Variants in ZNF493 observed in about 807,000 individuals in gnomAD.
ZNF493 encodes zinc finger protein 493.
A neutral mutation model predicts 12.2 loss-of-function variants in ZNF493; 11 were observed. The ratio of observed to expected loss-of-function variants is 0.90; its 90% CI spans 0.57 to 1.50. ZNF493 has a LOEUF of 1.50. Ranked by LOEUF, ZNF493 falls within the 40% of genes most tolerant of loss-of-function variation. ZNF493 has a pLI of 0.00. For synonymous variants in ZNF493, 286 were observed against 302.6 expected (o/e 0.95, Z 0.57); for missense variants, 950 against 906.6 (o/e 1.05, Z -0.61).
At chr19:21,421,411 G>T (rs909556372) in intron 3 of ZNF493, among the ~76,000 whole-genome samples, 5 of 151,858 alleles carry the variant, frequency 3.3e-5, no homozygotes, top group African/African-American at 1.2e-4. Context: ...TGTTGCCCAG[G>T]CTGGGGTGCA....
At chr19:21,401,472 T>C (rs2029941197) in intron 1 of ZNF493, among the ~76,000 whole-genome samples, 1 of 152,026 alleles carries the variant, frequency 6.6e-6, no homozygotes, top group African/African-American at 2.4e-5. Context: ...TTTTACATAA[T>C]GGGTTGGAAA....
chr19:21,423,381 A>T lies in ZNF493; in HGVS notation c.722A>T (p.Glu241Val), dbSNP rs774453347. 6.2e-7 allele frequency: 1 copy of T among 1,613,788 alleles called. No individual in the cohort carries two copies. Among genetic ancestry groups the T allele is most frequent in the Non-Finnish European group, 8.5e-7 (1 of 1,179,876 alleles). ...ACTGGAGAGAAATCCTACAAATATGAATGTGGCAAATCTTTTAACCAGGAC... is the reference window on the plus strand; with the variant it reads ...ACTGGAGAGAAATCCTACAAATATGTATGTGGCAAATCTTTTAACCAGGAC... The part of the protein sequence containing the change: ...VHTGEKSYKY[E>V]CGKSFNQDSN... The change falls in exon 4 of 4, where the codon GAA becomes GTA. Residue 241 changes from glutamate (E) to valine (V), a missense_variant. Glu to Val is a moderately radical substitution (Grantham distance 121). Coordinates refer to ENST00000392288, the MANE Select transcript of ZNF493 (RefSeq NM_001076678.3).
intron 3 of ZNF493, among the ~76,000 whole-genome samples, chr19:21,411,759 C>G (rs1671194576): frequency 8.1e-6 from 1 of 123,858 alleles, no homozygotes; most frequent in African/African-American, 3.1e-5. Flanking sequence ...TAAAACTGTG[C>G]TATTGTAATT....
chr19:21,415,599 G>A (rs998763855), intron 3 of ZNF493, among the ~76,000 whole-genome samples: 11 of 152,070 alleles, frequency 7.2e-5, no homozygotes, highest in East Asian at 1.9e-4. Context: ...CTCAAGTGGC[G>A]GCAGCACAAA....
chr19:21,423,831 C>T lies in ZNF493; in HGVS notation c.1172C>T (p.Thr391Ile), dbSNP rs759416894. 4 of 1,612,136 alleles carry T rather than the reference C, an allele frequency of 2.5e-6. No homozygotes were observed. Among genetic ancestry groups the T allele is most frequent in the Non-Finnish European group, 3.4e-6 (4 of 1,179,334 alleles). Residue 391 changes from threonine (T) to isoleucine (I), a missense_variant, in exon 4 of 4, where the codon ACC becomes ATC. Transcript: ENST00000392288. ...GGCAAAGCCTTTAGTATTTTCTCAACCCTTACTAAACATAAGATAATTCAC... is the reference window on the plus strand; with the variant it reads ...GGCAAAGCCTTTAGTATTTTCTCAATCCTTACTAAACATAAGATAATTCAC... ...ECGKAFSIFS[T>I]LTKHKIIHTE...
At chr19:21,413,759 C>G (rs1217171482) in intron 3 of ZNF493, 4 of 297,172 alleles carry the variant, frequency 1.3e-5, no homozygotes, top group Non-Finnish European at 2.5e-5. Flanking sequence ...TATTGGATCT[C>G]TCCACCAAAT....
chr19:21,408,190 AT>A (rs2030200663), intron 3 of ZNF493: 1 of 914,398 alleles, frequency 1.1e-6, no homozygotes, highest in East Asian at 1.3e-4. Flanking sequence ...CAGTGGTGTG[AT>A]CTCAGCTCAT....
Position 21,424,599 on chromosome 19 carries a change from A to G in ZNF493, c.1940A>G (p.His647Arg). 1 of 1,613,690 alleles carries G rather than the reference A, an allele frequency of 6.2e-7. No individual in the cohort carries two copies. Among genetic ancestry groups the G allele is most frequent in the Non-Finnish European group, 8.5e-7 (1 of 1,179,812 alleles). Residue 647 changes from histidine to arginine, a missense_variant, in exon 4 of 4, where the codon CAC (histidine) becomes CGC (arginine). Physicochemically the swap from His to Arg is conservative, Grantham distance 29. Coordinates refer to ENST00000392288, the MANE Select transcript of ZNF493 (RefSeq NM_001076678.3). ...AAGCGGTCCTCACACCTCGCTGGGCACAAGCAAATTCATAGTGTACAAAAA... is the reference window on the plus strand; with the variant it reads ...AAGCGGTCCTCACACCTCGCTGGGCGCAAGCAAATTCATAGTGTACAAAAA... ...AFKRSSHLAG[H>R]KQIHSVQKPY... is the part of the protein sequence containing the mutation.
Position 21,423,393 on chromosome 19 carries a change from C to T in ZNF493, c.734C>T (p.Ser245Phe), listed in dbSNP as rs377716856. The change falls in exon 4 of 4, where the codon TCT (serine) becomes TTT (phenylalanine). Residue 245 changes from serine to phenylalanine, a missense_variant. Physicochemically the swap from Ser to Phe is radical, Grantham distance 155. Transcript: ENST00000392288. ...TCCTACAAATATGAATGTGGCAAATCTTTTAACCAGGACTCAAACCTTACT... is the reference window on the plus strand; with the variant it reads ...TCCTACAAATATGAATGTGGCAAATTTTTTAACCAGGACTCAAACCTTACT... ...EKSYKYECGK[S>F]FNQDSNLTTH... 1 of 1,613,316 alleles carries T rather than the reference C, an allele frequency of 6.2e-7. No individual in the cohort carries two copies. Among genetic ancestry groups the T allele is most frequent in the Admixed American group, 1.7e-5 (1 of 59,942 alleles).
chr19:21,401,105 A>T (rs1209552428), intron 1 of ZNF493, among the ~76,000 whole-genome samples: 1 of 152,136 alleles, frequency 6.6e-6, no homozygotes, highest in Non-Finnish European at 1.5e-5. Flanking sequence ...TACTTAGATA[A>T]CTCAGTATTT....
At chr19:21,413,724 T>TC in intron 3 of ZNF493, 2 of 354,878 alleles carry the variant, frequency 5.6e-6, no homozygotes, top group East Asian at 8.5e-5. Context: ...CCCCAAGTTA[T>TC]TTTACCCATT....
In ZNF493 at chr19:21,406,116, G is replaced by A. The variant is rs139704705; in HGVS notation, c.253+260G>A. ...AGTTGCCTGTAATCTCAGCTCCTCC[G>A]GAGGCTGAGGCAGGAGAATTGCTTG... On this transcript the variant is annotated intron_variant, in intron 3 of 3. Transcript: ENST00000392288. Among the ~76,000 whole-genome samples, 1,114 of 152,052 alleles carry A rather than the reference G, an allele frequency of 7.3e-3. 15 individuals are homozygous for A. Among genetic ancestry groups the A allele is most frequent in the African/African-American group, 0.025 (1,045 of 41,478 alleles).
rs1439290178 is a variant in ZNF493 at position 21,427,169 on chromosome 19, C to CT, written c.*2186dup. 6.0e-6 allele frequency: 1 copy of CT among 167,010 alleles called. No individual in the cohort carries two copies. Among genetic ancestry groups the CT allele is most frequent in the Non-Finnish European group, 1.5e-5 (1 of 68,104 alleles). The allele number at this position is 167,010 out of a possible 1,614,324, so 10.3% of individuals were successfully genotyped here. ...AAAATGTAAGATGCATGGTGAAAAT[C>CT]TAAGTGGAGAGGTTCTTTGTGGTTA... On this transcript the variant is annotated 3_prime_UTR_variant, in exon 4 of 4. Coordinates refer to ENST00000392288, the MANE Select transcript of ZNF493 (RefSeq NM_001076678.3).
chr19:21,420,623 A>ATTTTTTTTT (rs1164416201), intron 3 of ZNF493, among the ~76,000 whole-genome samples: 1 of 16,118 alleles, frequency 6.2e-5, no homozygotes, highest in Non-Finnish European at 1.1e-4. Flanking sequence ...ATATATATAT[A>ATTTTTTTTT]TTTTTTTTTT....
At position 21,424,417 on chromosome 19, in the gene ZNF493, A is replaced by C. The variant is rs764712357; in HGVS notation, c.1758A>C (p.Ser586=). ...KECGKSFSVF[S]TLTKHKIIHT... ...GTGGCAAATCCTTTAGTGTATTCTC[A>C]ACCCTTACTAAACACAAGATAATTC... The change falls in exon 4 of 4, where the codon TCA becomes TCC. Residue 586 remains serine, a synonymous_variant. Transcript: ENST00000392288. The C allele has an allele frequency of 6.2e-7, 1 of 1,613,290 alleles. No individual in the cohort carries two copies. The highest frequency in any genetic ancestry group is 1.3e-5 in the African/African-American group (1 of 74,878).
intron 3 of ZNF493, among the ~76,000 whole-genome samples, chr19:21,420,613 ATATATATATATTTTTTTTTTTTTTT>A (rs1342960073): frequency 1.7e-4 from 2 of 12,068 alleles, no homozygotes; most frequent in South Asian, 3.1e-3. Context: ...ATATATATAT[ATATATATATATTTTTTTTTTTTTTT>A]TTTTTTTTTT....
In ZNF493 at chr19:21,425,767, A is replaced by C; in HGVS notation, c.*783A>C. 1 of 591,784 alleles carries C rather than the reference A, an allele frequency of 1.7e-6. No individual in the cohort carries two copies. The highest frequency in any genetic ancestry group is 4.8e-5 in the East Asian group (1 of 20,890). 36.7% of individuals were successfully genotyped at this position (591,784 alleles called of 1,614,324 possible). A position where few individuals can be genotyped will look rare whatever the true frequency, so the allele number is the denominator to read the frequency against. ...CATAAGATAACTCATACTGGAGAAA[A>C]ATCTTACAAATGTGAAGAATGTGGC... On this transcript the variant is annotated 3_prime_UTR_variant, in exon 4 of 4. Transcript: ENST00000392288.
intron 1 of ZNF493, among the ~76,000 whole-genome samples, chr19:21,403,465 T>C (rs1248510936): frequency 6.6e-6 from 1 of 152,118 alleles, no homozygotes; most frequent in Admixed American, 6.5e-5. Flanking sequence ...TGTTCCTGAA[T>C]CTCTCCTGTT....
chr19:21,416,262 A>G (rs2030489612), intron 3 of ZNF493, among the ~76,000 whole-genome samples: 1 of 152,052 alleles, frequency 6.6e-6, no homozygotes, highest in Admixed American at 6.6e-5. Flanking sequence ...TTCTAGTACC[A>G]TACCAGGGAC....
Sources: gnomAD v4.1 joint callset for allele counts (sites outside exome capture counted in the v4.1 genomes callset) on GRCh38, gnomAD v4.1.1 for gene constraint, MANE v1.5 for transcripts, NCBI Gene and HGNC (gene_info 2026-07-23, HGNC 2026-07-21) for gene names.